OR5L2: variants seen among roughly 807,000 people sequenced by gnomAD.
OR5L2 encodes the protein olfactory receptor family 5 subfamily L member 2.
For missense variants in OR5L2, 425 were observed against 365.6 expected, an observed-to-expected ratio of 1.16 and a Z score of -1.32; for synonymous variants, 175 against 151.6, an observed-to-expected ratio of 1.15 and a Z score of -1.13.
Position 55,827,679 on chromosome 11 carries a change from TGTG to T in OR5L2, c.462_464del (p.Cys155del). 1 of 1,613,902 alleles carries T rather than the reference TGTG, an allele frequency of 6.2e-7. No homozygotes were observed. Among genetic ancestry groups the T allele is most frequent in the African/African-American group, 1.3e-5 (1 of 74,872 alleles). On this transcript the variant is annotated inframe_deletion, in exon 1 of 1. Coordinates refer to ENST00000378397, the MANE Select transcript of OR5L2 (RefSeq NM_001004739.1). Reference sequence around the variant, plus strand: ...TCTTGCTGCTACTTCTGTGGGACGGTGTGTTCTCTGATTCACTCGTCCTTAGCT... The same window carrying T: ...TCTTGCTGCTACTTCTGTGGGACGGTTTCTCTGATTCACTCGTCCTTAGCT...
Position 55,827,573 on chromosome 11 carries a change from G to C in OR5L2, c.355G>C (p.Ala119Pro), listed in dbSNP as rs1201942395. The C allele has an allele frequency of 6.2e-7, 1 of 1,613,854 alleles. No individual in the cohort carries two copies. The change falls in exon 1 of 1, where the codon GCC (alanine) becomes CCC (proline). Residue 119 changes from alanine to proline, a missense_variant. Coordinates refer to ENST00000378397, the MANE Select transcript of OR5L2 (RefSeq NM_001004739.1). ...TGAGGTCTTCCTGCTGGCCGTGATG[G>C]CCTATGACCGCTTTGTGGCCATCTG... is the stretch of plus-strand genomic sequence containing the variant. ...VTEVFLLAVMAYDRFVAICNP... is the reference protein window; with the variant it reads ...VTEVFLLAVMPYDRFVAICNP...
Position 55,827,745 on chromosome 11 carries a change from ACTT to A in OR5L2, c.533_535del (p.Phe178del), listed in dbSNP as rs774868325. The A allele has an allele frequency of 6.2e-7, 1 of 1,613,560 alleles. No homozygotes were observed. Among genetic ancestry groups the A allele is most frequent in the Non-Finnish European group, 8.5e-7 (1 of 1,179,900 alleles). ...TTCTATAGATCTAATGTGATTAACC[ACTT>A]CTTCTGTGATCTACCCCCTCTCCTA... On this transcript the variant is annotated inframe_deletion, in exon 1 of 1. Transcript: ENST00000378397.
Position 55,827,977 on chromosome 11 carries a change from A to T in OR5L2, c.759A>T (p.Gly253=). Residue 253 remains glycine (G), a synonymous_variant, in exon 1 of 1, where the codon GGA becomes GGT. Transcript: ENST00000378397. ...TCACAGCCATCACTGTCTCCCATGG[A>T]ACAATCCTTTACATTTATTGCAGGC... is the stretch of plus-strand genomic sequence containing the variant. ...SHLTAITVSH[G]TILYIYCRPS... 1 of 1,613,900 alleles carries T rather than the reference A, an allele frequency of 6.2e-7. No homozygotes were observed.
At position 55,827,714 on chromosome 11, in the gene OR5L2, A is replaced by T. The variant is rs758173635; in HGVS notation, c.496A>T (p.Ile166Phe). Residue 166 changes from isoleucine (I) to phenylalanine (F), a missense_variant, in exon 1 of 1, where the codon ATC becomes TTC. By Grantham distance (21) the Ile-to-Phe change is conservative. Transcript: ENST00000378397. The stretch of plus-strand genomic sequence containing the variant: ...GATTCACTCGTCCTTAGCTCTTAGG[A>T]TCCTCTTCTATAGATCTAATGTGAT... Reference protein sequence around the residue: ...SLIHSSLALRILFYRSNVINH... With the variant: ...SLIHSSLALRFLFYRSNVINH... 1.2e-6 allele frequency: 2 copies of T among 1,613,480 alleles called. No individual in the cohort carries two copies. The highest frequency in any genetic ancestry group is 2.2e-5 in the South Asian group (2 of 91,042).
In OR5L2 at chr11:55,827,863, C is replaced by T. The variant is rs752642376; in HGVS notation, c.645C>T (p.Leu215=). The T allele has an allele frequency of 3.7e-6, 6 of 1,613,862 alleles. No homozygotes were observed. The highest frequency in any genetic ancestry group is 8.5e-7 in the Non-Finnish European group (1 of 1,180,004). Residue 215 remains leucine, a synonymous_variant, in exon 1 of 1, where the codon CTC becomes CTT. Transcript: ENST00000378397. The stretch of plus-strand genomic sequence containing the variant: ...AGAGTGTTACCATCATGATCATCCT[C>T]ACCTCCTACCTGCTAATTCTCACCA... The part of the protein sequence containing the change: ...LNESVTIMII[L]TSYLLILTTI...
rs769600473 is a variant in OR5L2, at chr11:55,827,388, C to G, written c.170C>G (p.Thr57Ser). The change falls in exon 1 of 1, where the codon ACC becomes AGC. Residue 57 changes from threonine (T) to serine (S), a missense_variant. Thr to Ser is a moderately conservative substitution (Grantham distance 58, BLOSUM62 1). Coordinates refer to ENST00000378397, the MANE Select transcript of OR5L2 (RefSeq NM_001004739.1). ...ALIQVSSRLH[T>S]PVYFFLSHLS... ...ATTCAGGTCAGCTCTCGGCTCCACA[C>G]CCCCGTGTACTTTTTCCTCAGCCAC... 7.4e-6 allele frequency: 12 copies of G among 1,613,968 alleles called. No individual in the cohort carries two copies. The highest frequency in any genetic ancestry group is 2.2e-5 in the South Asian group (2 of 91,074).
In OR5L2 at chr11:55,827,461, G is replaced by A. The variant is rs2134474749; in HGVS notation, c.243G>A (p.Met81Ile). ...FCYSSIIVPK[M>I]LANIFNKDKA... is the part of the protein sequence containing the mutation. ...ACTCCTCAATAATTGTGCCAAAGAT[G>A]TTGGCTAATATCTTTAACAAGGACA... The change falls in exon 1 of 1, where the codon ATG becomes ATA. Residue 81 changes from methionine to isoleucine, a missense_variant. Coordinates refer to ENST00000378397, the MANE Select transcript of OR5L2 (RefSeq NM_001004739.1). 6.2e-7 allele frequency: 1 copy of A among 1,613,996 alleles called. No individual in the cohort carries two copies.
rs1220105128 is a variant in OR5L2 at position 55,827,348 on chromosome 11, G to T, written c.130G>T (p.Gly44Cys). The stretch of plus-strand genomic sequence containing the variant: ...TGGAGTCACGTTGTTAGCCAATCTG[G>T]GCATGACTGCACTGATTCAGGTCAG... ...IYGVTLLANL[G>C]MTALIQVSSR... is the part of the protein sequence containing the mutation. The change falls in exon 1 of 1, where the codon GGC becomes TGC. Residue 44 changes from glycine to cysteine, a missense_variant. Coordinates refer to ENST00000378397, the MANE Select transcript of OR5L2 (RefSeq NM_001004739.1). 9 of 1,613,674 alleles carry T rather than the reference G, an allele frequency of 5.6e-6. 1 individual carries two copies. In the African/African-American group the frequency reaches 1.1e-4, roughly 19 times the overall value.
rs776893550 is a variant in OR5L2 at position 55,828,080 on chromosome 11, CT to C, written c.863del (p.Leu288ArgfsTer5). The C allele has an allele frequency of 4.0e-5, 65 of 1,613,630 alleles. No homozygotes were observed. Among genetic ancestry groups the C allele is most frequent in the Non-Finnish European group, 5.3e-5 (62 of 1,179,894 alleles). On this transcript the variant is annotated frameshift_variant, in exon 1 of 1. Coordinates refer to ENST00000378397, the MANE Select transcript of OR5L2 (RefSeq NM_001004739.1). LOFTEE classifies it low-confidence loss of function (END_TRUNC). ...YTVVIPMLNP[L>X]IYSLRNKDVN... ...AGTTGTGATTCCCATGCTGAACCCC[CT>C]GATCTACAGCCTGAGAAATAAGGAT...
In OR5L2 at chr11:55,827,749, C is replaced by T. The variant is rs777348329; in HGVS notation, c.531C>T (p.Phe177=). Residue 177 remains phenylalanine, a synonymous_variant, in exon 1 of 1, where the codon TTC becomes TTT. Transcript: ENST00000378397. ...LFYRSNVINH[F]FCDLPPLLSL... ...ATAGATCTAATGTGATTAACCACTT[C>T]TTCTGTGATCTACCCCCTCTCCTAA... 4.3e-6 allele frequency: 7 copies of T among 1,613,784 alleles called. No homozygotes were observed. Among genetic ancestry groups the T allele is most frequent in the African/African-American group, 2.7e-5 (2 of 74,744 alleles).
Position 55,827,308 on chromosome 11 carries a change from G to A in OR5L2, c.90G>A (p.Leu30=), listed in dbSNP as rs984353321. The A allele has an allele frequency of 6.2e-7, 1 of 1,613,778 alleles. No homozygotes were observed. Among genetic ancestry groups the A allele is most frequent in the Admixed American group, 1.7e-5 (1 of 59,966 alleles). ...AGTTGAGAGTCTGCCTCTTCCTGCT[G>A]TTCCTTCTCATCTATGGAGTCACGT... ...VPELRVCLFL[L]FLLIYGVTLL... The change falls in exon 1 of 1, where the codon CTG becomes CTA. Residue 30 remains leucine (L), a synonymous_variant. Transcript: ENST00000378397.
Position 55,827,754 on chromosome 11 carries a change from G to C in OR5L2, c.536G>C (p.Cys179Ser), listed in dbSNP as rs746213708. The C allele has an allele frequency of 1.6e-5, 26 of 1,613,756 alleles. No homozygotes were observed. The highest frequency in any genetic ancestry group is 2.2e-5 in the Non-Finnish European group (26 of 1,180,000). The change falls in exon 1 of 1, where the codon TGT becomes TCT. Residue 179 changes from cysteine to serine, a missense_variant. Cys to Ser is a moderately radical substitution (Grantham distance 112). Coordinates refer to ENST00000378397, the MANE Select transcript of OR5L2 (RefSeq NM_001004739.1). ...YRSNVINHFF[C>S]DLPPLLSLAC... ...TCTAATGTGATTAACCACTTCTTCT[G>C]TGATCTACCCCCTCTCCTAAGTCTT...
At position 55,828,059 on chromosome 11, in the gene OR5L2, G is replaced by T; in HGVS notation, c.841G>T (p.Val281Leu). 6.2e-7 allele frequency: 1 copy of T among 1,613,798 alleles called. No individual in the cohort carries two copies. Among genetic ancestry groups the T allele is most frequent in the Non-Finnish European group, 8.5e-7 (1 of 1,179,918 alleles). ...DKVATVFYTV[V>L]IPMLNPLIYS... ...AGTGGCCACCGTGTTCTACACAGTT[G>T]TGATTCCCATGCTGAACCCCCTGAT... The change falls in exon 1 of 1, where the codon GTG becomes TTG. Residue 281 changes from valine to leucine, a missense_variant. By Grantham distance (32) the Val-to-Leu change is conservative (BLOSUM62 1). Coordinates refer to ENST00000378397, the MANE Select transcript of OR5L2 (RefSeq NM_001004739.1).
In OR5L2 at chr11:55,827,467, T is replaced by A; in HGVS notation, c.249T>A (p.Ala83=). 1 of 1,614,000 alleles carries A rather than the reference T, an allele frequency of 6.2e-7. No homozygotes were observed. Among genetic ancestry groups the A allele is most frequent in the Non-Finnish European group, 8.5e-7 (1 of 1,179,996 alleles). The change falls in exon 1 of 1, where the codon GCT becomes GCA. Residue 83 remains alanine, a synonymous_variant. Coordinates refer to ENST00000378397, the MANE Select transcript of OR5L2 (RefSeq NM_001004739.1). ...YSSIIVPKML[A]NIFNKDKAIS... Reference sequence around the variant, plus strand: ...CAATAATTGTGCCAAAGATGTTGGCTAATATCTTTAACAAGGACAAAGCCA... The same window carrying A: ...CAATAATTGTGCCAAAGATGTTGGCAAATATCTTTAACAAGGACAAAGCCA...
chr11:55,827,860 C>A lies in OR5L2; in HGVS notation c.642C>A (p.Ile214=). Residue 214 remains isoleucine (I), a synonymous_variant, in exon 1 of 1, where the codon ATC becomes ATA. Coordinates refer to ENST00000378397, the MANE Select transcript of OR5L2 (RefSeq NM_001004739.1). ...ATGAGAGTGTTACCATCATGATCAT[C>A]CTCACCTCCTACCTGCTAATTCTCA... ...TLNESVTIMI[I]LTSYLLILTT... 1.2e-6 allele frequency: 2 copies of A among 1,613,968 alleles called. No individual in the cohort carries two copies. Among genetic ancestry groups the A allele is most frequent in the Non-Finnish European group, 8.5e-7 (1 of 1,179,994 alleles).
rs749717159 is a variant in OR5L2, at chr11:55,827,286, T to C, written c.68T>C (p.Leu23Ser). ...ILLGLSDVPELRVCLFLLFLL... is the reference protein window; with the variant it reads ...ILLGLSDVPESRVCLFLLFLL... The stretch of plus-strand genomic sequence containing the variant: ...CTTGGACTATCAGATGTCCCTGAGT[T>C]GAGAGTCTGCCTCTTCCTGCTGTTC... Residue 23 changes from leucine to serine, a missense_variant, in exon 1 of 1, where the codon TTG becomes TCG. Physicochemically the swap from Leu to Ser is moderately radical, Grantham distance 145. Transcript: ENST00000378397. 2.6e-5 allele frequency: 42 copies of C among 1,613,838 alleles called. 1 individual carries two copies. The South Asian group carries it at 4.4e-4, about 17-fold the overall frequency.
rs763264162 is a variant in OR5L2 at position 55,827,791 on chromosome 11, T to C, written c.573T>C (p.Asp191=). The C allele has an allele frequency of 6.2e-7, 1 of 1,613,972 alleles. No homozygotes were observed. The highest frequency in any genetic ancestry group is 1.3e-5 in the African/African-American group (1 of 74,878). The change falls in exon 1 of 1, where the codon GAT becomes GAC. Residue 191 remains aspartate, a synonymous_variant. Transcript: ENST00000378397. ...LPPLLSLACS[D]VTVNETLLFL... is the part of the protein sequence containing the mutation. ...CTCTCCTAAGTCTTGCTTGCTCTGA[T>C]GTCACTGTGAATGAGACACTGCTGT... is the stretch of plus-strand genomic sequence containing the variant.
rs753764246 is a variant in OR5L2 at position 55,827,224 on chromosome 11, C to G, written c.6C>G (p.Gly2=). 1 of 1,611,064 alleles carries G rather than the reference C, an allele frequency of 6.2e-7. No homozygotes were observed. Among genetic ancestry groups the G allele is most frequent in the South Asian group, 1.1e-5 (1 of 90,706 alleles). Residue 2 remains glycine, a synonymous_variant, in exon 1 of 1, where the codon GGC becomes GGG. Transcript: ENST00000378397. ...ATCCTGCATAAATTGGAGACATGGGCAAGGAAAACTGCACCACTGTGGCTG... is the reference window on the plus strand; with the variant it reads ...ATCCTGCATAAATTGGAGACATGGGGAAGGAAAACTGCACCACTGTGGCTG... M[G]KENCTTVAEF... is the part of the protein sequence containing the mutation.
chr11:55,827,813 C>A lies in OR5L2; in HGVS notation c.595C>A (p.Leu199Met), dbSNP rs146748101. 96 of 1,613,954 alleles carry A rather than the reference C, an allele frequency of 5.9e-5. 1 individual carries two copies. The South Asian group carries it at 9.3e-4, about 16-fold the overall frequency. The stretch of plus-strand genomic sequence containing the variant: ...TGATGTCACTGTGAATGAGACACTG[C>A]TGTTCCTGGTGGCCACTTTGAATGA... ...CSDVTVNETL[L>M]FLVATLNESV... The change falls in exon 1 of 1, where the codon CTG (leucine) becomes ATG (methionine). Residue 199 changes from leucine (L) to methionine (M), a missense_variant. Leu to Met is a conservative substitution (Grantham distance 15). Coordinates refer to ENST00000378397, the MANE Select transcript of OR5L2 (RefSeq NM_001004739.1).
Sources: allele counts gnomAD v4.1 joint callset, GRCh38; gene constraint gnomAD v4.1.1; transcripts MANE v1.5; gene names NCBI Gene and HGNC (gene_info 2026-07-23, HGNC 2026-07-21).